Variants in MITF observed in about 807,000 individuals in gnomAD.
The protein encoded by MITF is microphthalmia-associated transcription factor.
Under a neutral mutation model 60.5 loss-of-function variants are expected in MITF, and 17 were observed. The observed-to-expected ratio is 0.28, with a 90% confidence interval of 0.19 to 0.42. The LOEUF (loss-of-function observed/expected upper bound fraction) is 0.42. Among genes scored for constraint, MITF ranks in the 10% least tolerant of loss-of-function variants. The pLI is 1.00. For synonymous variants in MITF, 260 were observed against 248.5 expected (o/e 1.05, Z -0.43); for missense variants, 622 against 683.5 (o/e 0.91, Z 1.00).
At chr3:69,863,193 T>C (rs2064048437) in intron 1 of MITF, among the ~76,000 whole-genome samples, 1 of 152,234 alleles carries the variant, frequency 6.6e-6, no homozygotes, top group South Asian at 2.1e-4. Context: ...TGGTTCTTGA[T>C]ATCCAGAAGA....
At chr3:69,843,848 C>A (rs9836575) in intron 1 of MITF, among the ~76,000 whole-genome samples, 75,274 of 151,808 alleles carry the variant, frequency 0.5, 20,302 homozygotes, top group Non-Finnish European at 0.63. Context: ...CACCCATCAA[C>A]CCATCATCTA....
chr3:69,760,335 G>A (rs1048563129), intron 1 of MITF, among the ~76,000 whole-genome samples: 2 of 152,122 alleles, frequency 1.3e-5, no homozygotes, highest in Non-Finnish European at 1.5e-5. Flanking sequence ...GGCCTAGCCT[G>A]GGAGGGTTCT....
At chr3:69,868,858 C>G (rs900178342) in intron 1 of MITF, among the ~76,000 whole-genome samples, 3 of 148,900 alleles carry the variant, frequency 2.0e-5, no homozygotes, top group Non-Finnish European at 3.0e-5. Context: ...AAGATCGCAC[C>G]ACTGCACTCC....
Position 69,768,453 on chromosome 3 carries a change from G to T in MITF, c.104+28752G>T, listed in dbSNP as rs529241332. 7.9e-5 allele frequency among the ~76,000 whole-genome samples: 12 copies of T among 152,296 alleles called. No individual in the cohort carries two copies. In the East Asian group the frequency reaches 2.3e-3, roughly 29 times the overall value. ...CATAAGTAAATCTGCTCCAAGAAAA[G>T]TTCTAGATATCTTCTCATATTTTCT... On this transcript the variant is annotated intron_variant, in intron 1 of 9. Transcript: ENST00000352241.
At position 69,964,948 on chromosome 3, in the gene MITF, T is replaced by C. The variant is rs752857802; in HGVS notation, c.1281T>C (p.Val427=). 8 of 1,614,082 alleles carry C rather than the reference T, an allele frequency of 5.0e-6. No individual in the cohort carries two copies. The highest frequency in any genetic ancestry group is 6.8e-6 in the Non-Finnish European group (8 of 1,180,016). The stretch of plus-strand genomic sequence containing the variant: ...ATCGGATCATCAAGCAAGAACCCGT[T>C]CTTGAGAACTGCAGCCAAGACCTCC... ...LVNRIIKQEP[V]LENCSQDLLQ... is the part of the protein sequence containing the mutation. Residue 427 remains valine (V), a synonymous_variant, in exon 10 of 10, where the codon GTT becomes GTC. Transcript: ENST00000352241.
At chr3:69,819,025 A>G (rs1176949626) in intron 1 of MITF, among the ~76,000 whole-genome samples, 1 of 152,240 alleles carries the variant, frequency 6.6e-6, no homozygotes, top group East Asian at 1.9e-4. Context: ...CTGATTAATA[A>G]GTTAAAACTT....
At chr3:69,821,690 T>A (rs868351685) in intron 1 of MITF, among the ~76,000 whole-genome samples, 46 of 113,194 alleles carry the variant, frequency 4.1e-4, no homozygotes, top group East Asian at 5.6e-4. Flanking sequence ...AAAAAAAAAC[T>A]AAAAAAAAAA....
At position 69,820,375 on chromosome 3, in the gene MITF, G is replaced by A. The variant is rs1444911423; in HGVS notation, c.105-58759G>A. On this transcript the variant is annotated intron_variant, in intron 1 of 9. Coordinates refer to ENST00000352241, the MANE Select transcript of MITF (RefSeq NM_001354604.2). ...CTTTGATGTGACTCTTTACTCTGGAGTAGATCAGATATGGAATCCAAACCT... is the reference window on the plus strand; with the variant it reads ...CTTTGATGTGACTCTTTACTCTGGAATAGATCAGATATGGAATCCAAACCT... 2.6e-5 allele frequency among the ~76,000 whole-genome samples: 4 copies of A among 152,122 alleles called. No homozygotes were observed. The East Asian group carries it at 7.7e-4, about 29-fold the overall frequency.
chr3:69,791,520 G>A (rs776762581), intron 1 of MITF, among the ~76,000 whole-genome samples: 2 of 152,192 alleles, frequency 1.3e-5, no homozygotes, highest in African/African-American at 2.4e-5. Flanking sequence ...GTAAGAAAAT[G>A]CCTGTCAATA....
chr3:69,766,075 A>G (rs1244135327), intron 1 of MITF, among the ~76,000 whole-genome samples: 1 of 152,234 alleles, frequency 6.6e-6, no homozygotes, highest in Non-Finnish European at 1.5e-5. Context: ...GCCACTAAAT[A>G]TAAGAAAATG....
chr3:69,881,548 G>A (rs2064488112), intron 2 of MITF, among the ~76,000 whole-genome samples: 1 of 151,862 alleles, frequency 6.6e-6, no homozygotes, highest in Non-Finnish European at 1.5e-5. Context: ...GATACTTAAA[G>A]ACTTAGGACT....
rs200190536 is a variant in MITF, at chr3:69,739,726, G to A, written c.104+25G>A. The A allele has an allele frequency of 1.4e-4, 221 of 1,525,500 alleles. 1 individual carries two copies. In the East Asian group the frequency reaches 5.3e-3, roughly 37 times the overall value. The allele number at this position is 1,525,500 out of a possible 1,614,324, so 94.5% of individuals were successfully genotyped here. ...GGTGAGTGGTGACAGCTGGGCAGAG[G>A]CGCACCGGGCGGCTGGGGGGCACTG... On this transcript the variant is annotated intron_variant, in intron 1 of 9. Transcript: ENST00000352241.
intron 9 of MITF, among the ~76,000 whole-genome samples, chr3:69,964,239 A>G (rs1046774865): frequency 2.6e-5 from 4 of 151,910 alleles, no homozygotes; most frequent in East Asian, 3.9e-4. Flanking sequence ...CGGCCTCCCA[A>G]ATAATATTTT....
intron 1 of MITF, among the ~76,000 whole-genome samples, chr3:69,848,053 G>A (rs564352523): frequency 1.2e-4 from 19 of 152,274 alleles, no homozygotes; most frequent in South Asian, 6.2e-4. Flanking sequence ...CTTATTTTCC[G>A]TGTAGATAGA....
At chr3:69,839,194 A>G (rs2063586659) in intron 1 of MITF, among the ~76,000 whole-genome samples, 1 of 151,884 alleles carries the variant, frequency 6.6e-6, no homozygotes, top group African/African-American at 2.4e-5. Context: ...AGACATTAGA[A>G]TAAGTGGCTG....
chr3:69,806,377 C>T (rs893090584), intron 1 of MITF, among the ~76,000 whole-genome samples: 13 of 152,036 alleles, frequency 8.6e-5, no homozygotes, highest in Admixed American at 1.3e-4. Context: ...TGAGCCACTG[C>T]ACCCGGCCCA....
In MITF at chr3:69,748,448, C is replaced by G. The variant is rs568070518; in HGVS notation, c.104+8747C>G. On this transcript the variant is annotated intron_variant, in intron 1 of 9. Coordinates refer to ENST00000352241, the MANE Select transcript of MITF (RefSeq NM_001354604.2). ...TAGAGGTGGGGTTTCGCCATGTTGG[C>G]TAGGCTGGTCTCGAACCCTTGACCT... Among the ~76,000 whole-genome samples, 5 of 152,262 alleles carry G rather than the reference C, an allele frequency of 3.3e-5. 1 individual carries two copies. The highest frequency in any genetic ancestry group is 1.2e-4 in the African/African-American group (5 of 41,550).
intron 1 of MITF, among the ~76,000 whole-genome samples, chr3:69,771,989 T>C (rs1045296514): frequency 6.6e-6 from 1 of 152,210 alleles, no homozygotes; most frequent in Non-Finnish European, 1.5e-5. Flanking sequence ...TTGGAGATCG[T>C]TGGTTTTTAA....
At chr3:69,912,417 A>T (rs2065243962) in intron 2 of MITF, among the ~76,000 whole-genome samples, 1 of 152,180 alleles carries the variant, frequency 6.6e-6, no homozygotes, top group African/African-American at 2.4e-5. Flanking sequence ...AAAGTTAACA[A>T]AAAAGGTAAG....
Sources: allele counts gnomAD v4.1 joint callset (sites outside exome capture counted in the v4.1 genomes callset), GRCh38; gene constraint gnomAD v4.1.1; transcripts MANE v1.5; gene names NCBI Gene and HGNC (gene_info 2026-07-23, HGNC 2026-07-21).